Variants in UBQLN4 observed in about 807,000 individuals in gnomAD.
UBQLN4 encodes the protein ubiquilin-4.
UBQLN4 carries 11 observed loss-of-function variants against 60.4 expected under a neutral mutation model. The ratio of observed to expected loss-of-function variants is 0.18; its 90% CI spans 0.11 to 0.30. The LOEUF (loss-of-function observed/expected upper bound fraction) is 0.30, where lower values mean the gene tolerates loss of function less well. UBQLN4 is among the 10% of genes least tolerant of loss of function. The pLI, the probability that UBQLN4 is intolerant of heterozygous loss-of-function variation, is 1.00. For synonymous variants in UBQLN4, 258 were observed against 313.1 expected (o/e 0.82, Z 1.86); for missense variants, 417 against 795.5 (o/e 0.52, Z 5.72).
chr1:156,036,727 C>T lies in UBQLN4; in HGVS notation c.*251G>A. On this transcript the variant is annotated 3_prime_UTR_variant, in exon 11 of 11. Transcript: ENST00000368309. ...AAGGAGGTAGAGTCAATCAATGAAACTGTGAAAACTGTTTAAGTAGCACTG... is the reference window on the plus strand; with the variant it reads ...AAGGAGGTAGAGTCAATCAATGAAATTGTGAAAACTGTTTAAGTAGCACTG... 2 of 1,240,904 alleles carry T rather than the reference C, an allele frequency of 1.6e-6. No homozygotes were observed. 76.9% of individuals were successfully genotyped at this position (1,240,904 alleles called of 1,614,324 possible).
At chr1:156,041,145 G>C (rs1041789119) in intron 10 of UBQLN4, among the ~76,000 whole-genome samples, 2 of 152,024 alleles carry the variant, frequency 1.3e-5, no homozygotes, top group African/African-American at 2.4e-5. Flanking sequence ...TAACCTTTCC[G>C]GGCCTCAGTT....
In UBQLN4 at chr1:156,042,004, A is replaced by G. The variant is rs772714956; in HGVS notation, c.1351-17T>C. 8 of 1,613,920 alleles carry G rather than the reference A, an allele frequency of 5.0e-6. No homozygotes were observed. In the East Asian group the frequency reaches 1.8e-4, roughly 36 times the overall value. On this transcript the variant is annotated splice_polypyrimidine_tract_variant and intron_variant, in intron 8 of 10. Coordinates refer to ENST00000368309, the MANE Select transcript of UBQLN4 (RefSeq NM_020131.5). ...GTTCTGCATCTGGTGGGAAATAAGC[A>G]GAGAAAGGCATCAAGAGGTGGCAGG...
intron 10 of UBQLN4, among the ~76,000 whole-genome samples, chr1:156,039,868 C>G (rs1020931947): frequency 7.9e-6 from 1 of 126,608 alleles, no homozygotes; most frequent in Non-Finnish European, 1.6e-5. Flanking sequence ...ACCCAGGAGG[C>G]GGAGCTTGCA....
chr1:156,051,127 G>A lies in UBQLN4; in HGVS notation c.461C>T (p.Ala154Val). The A allele has an allele frequency of 6.2e-7, 1 of 1,613,446 alleles. No individual in the cohort carries two copies. Among genetic ancestry groups the A allele is most frequent in the Non-Finnish European group, 8.5e-7 (1 of 1,179,682 alleles). The change falls in exon 3 of 11, where the codon GCT becomes GTT. Residue 154 changes from alanine to valine, a missense_variant. Transcript: ENST00000368309. ...GGGCTTACAGAGTATGGACGCAGTA[G>A]CACTGGGGGATCCCTCCCCAGCCCC... ...SPGAGEGSPS[A>V]TASILSGFGG...
chr1:156,037,667 T>C (rs540163506), intron 10 of UBQLN4, among the ~76,000 whole-genome samples: 3 of 152,260 alleles, frequency 2.0e-5, no homozygotes, highest in African/African-American at 4.8e-5. Flanking sequence ...TTTTTTAGAT[T>C]TTCAAGATAA....
chr1:156,036,881 G>A lies in UBQLN4; in HGVS notation c.*97C>T, dbSNP rs542820997. 1.6e-5 allele frequency: 25 copies of A among 1,544,170 alleles called. No homozygotes were observed. In the East Asian group the frequency reaches 4.7e-4, roughly 29 times the overall value. ...GCTGTTTGGAAAGGATGAGGGAGAA[G>A]ACGGAAGGGAGGACAAGCTGCAGAG... is the stretch of plus-strand genomic sequence containing the variant. On this transcript the variant is annotated 3_prime_UTR_variant, in exon 11 of 11. Coordinates refer to ENST00000368309, the MANE Select transcript of UBQLN4 (RefSeq NM_020131.5).
In UBQLN4 at chr1:156,036,899, C is replaced by T. The variant is rs376645983; in HGVS notation, c.*79G>A. 1.7e-5 allele frequency: 26 copies of T among 1,555,646 alleles called. No homozygotes were observed. The East Asian group carries it at 5.9e-4, about 35-fold the overall frequency. ...GGGAGAAGACGGAAGGGAGGACAAG[C>T]TGCAGAGGGTAAGGATTGACAGAAG... On this transcript the variant is annotated 3_prime_UTR_variant, in exon 11 of 11. Coordinates refer to ENST00000368309, the MANE Select transcript of UBQLN4 (RefSeq NM_020131.5).
In UBQLN4 at chr1:156,041,546, C is replaced by T. The variant is rs765033224; in HGVS notation, c.1592G>A (p.Ser531Asn). 1.9e-6 allele frequency: 3 copies of T among 1,612,874 alleles called. No homozygotes were observed. In the South Asian group the frequency reaches 3.3e-5, roughly 18 times the overall value. The change falls in exon 10 of 11, where the codon AGC becomes AAC. Residue 531 changes from serine (S) to asparagine (N), a missense_variant. Coordinates refer to ENST00000368309, the MANE Select transcript of UBQLN4 (RefSeq NM_020131.5). The stretch of plus-strand genomic sequence containing the variant: ...CTGCTGCATGAGTTGCTGCTGGGCG[C>T]TGGAAGCCCCTGTTGGAGAAGATGT... ...PATSSPTGASSAQQQLMQQMI... is the reference protein window; with the variant it reads ...PATSSPTGASNAQQQLMQQMI...
At chr1:156,043,085 A>G (rs1683610821) in intron 6 of UBQLN4, among the ~76,000 whole-genome samples, 172 bp from the exon 7 acceptor site, 1 of 152,234 alleles carries the variant, frequency 6.6e-6, no homozygotes, top group Admixed American at 6.5e-5. Context: ...TCCCAAGTCC[A>G]AGGTCATCTT....
At chr1:156,047,851 C>T (rs1683755760) in intron 5 of UBQLN4, among the ~76,000 whole-genome samples, 1 of 142,702 alleles carries the variant, frequency 7.0e-6, no homozygotes, top group South Asian at 2.2e-4. Flanking sequence ...GAGATTGCGC[C>T]ACTGCATTCC....
intron 10 of UBQLN4, among the ~76,000 whole-genome samples, chr1:156,039,829 C>G (rs572121034): frequency 8.5e-5 from 12 of 141,350 alleles, no homozygotes; most frequent in Non-Finnish European, 1.8e-4. Context: ...CCCAGCTACT[C>G]GGGAGGCTGA....
Position 156,036,329 on chromosome 1 carries a change from CGTTT to C in UBQLN4, c.*645_*648del, listed in dbSNP as rs1229949346. 7.1e-6 allele frequency: 7 copies of C among 985,534 alleles called. No homozygotes were observed. The highest frequency in any genetic ancestry group is 1.7e-5 in the African/African-American group (1 of 57,240). The allele number at this position is 985,534 out of a possible 1,614,324, so 61.0% of individuals were successfully genotyped here. The stretch of plus-strand genomic sequence containing the variant: ...ACGAATTTCCTCTGGGCTGCTCCAG[CGTTT>C]GTTAATTCCTGTCCAGAGAGCTGTC... On this transcript the variant is annotated 3_prime_UTR_variant, in exon 11 of 11. Coordinates refer to ENST00000368309, the MANE Select transcript of UBQLN4 (RefSeq NM_020131.5).
At chr1:156,051,557 C>T (rs994391358) in intron 2 of UBQLN4, 149 bp downstream of exon 2, 1 of 1,248,780 alleles carries the variant, frequency 8.0e-7, no homozygotes, top group Non-Finnish European at 1.1e-6. Context: ...AATCAGGTTC[C>T]CTTCCCCTAG....
chr1:156,047,917 A>G (rs1015450261), intron 5 of UBQLN4, among the ~76,000 whole-genome samples: 59 of 152,008 alleles, frequency 3.9e-4, no homozygotes, highest in African/African-American at 1.4e-3. Context: ...AAAGAAAGAA[A>G]GAAAGAACCA....
At chr1:156,040,575 A>T (rs1233695135) in intron 10 of UBQLN4, among the ~76,000 whole-genome samples, 1 of 149,854 alleles carries the variant, frequency 6.7e-6, no homozygotes, top group East Asian at 2.1e-4. Flanking sequence ...CCTCCTGAGT[A>T]GCTGGGACTG....
intron 10 of UBQLN4, among the ~76,000 whole-genome samples, chr1:156,039,213 G>A (rs1046470744): frequency 6.6e-6 from 1 of 150,852 alleles, no homozygotes; most frequent in African/African-American, 2.4e-5. Context: ...AAAGCACTGG[G>A]ATTACAGGCA....
chr1:156,041,416 A>G, intron 10 of UBQLN4, 69 bp downstream of exon 10: 1 of 1,463,598 alleles, frequency 6.8e-7, no homozygotes, highest in East Asian at 2.5e-5. Context: ...CCTCTATTCT[A>G]TTGCTTCCCT....
Position 156,035,885 on chromosome 1 carries a change from C to T in UBQLN4, c.*1093G>A. 4.1e-6 allele frequency: 4 copies of T among 985,432 alleles called. No individual in the cohort carries two copies. The highest frequency in any genetic ancestry group is 4.8e-6 in the Non-Finnish European group (4 of 829,896). 61.0% of individuals were successfully genotyped at this position (985,432 alleles called of 1,614,324 possible). A position where few individuals can be genotyped will look rare whatever the true frequency, so the allele number is the denominator to read the frequency against. ...AAACCAACAAGGAATCCACTTCCCA[C>T]CCAACTTAAGAGTGTATGCACACAT... On this transcript the variant is annotated 3_prime_UTR_variant, in exon 11 of 11. Coordinates refer to ENST00000368309, the MANE Select transcript of UBQLN4 (RefSeq NM_020131.5).
chr1:156,040,741 C>T (rs138853021), intron 10 of UBQLN4, among the ~76,000 whole-genome samples: 1,679 of 152,280 alleles, frequency 0.011, 30 homozygotes, highest in African/African-American at 0.038. Flanking sequence ...CGTGAGCCAC[C>T]GCGCCCAGCC....
Sources: gnomAD v4.1 joint callset for allele counts (sites outside exome capture counted in the v4.1 genomes callset) on GRCh38, gnomAD v4.1.1 for gene constraint, MANE v1.5 for transcripts, NCBI Gene and HGNC (gene_info 2026-07-23, HGNC 2026-07-21) for gene names.